The following GABRB2 variants were observed in gnomAD, a reference collection of about 807,000 sequenced individuals.
GABRB2 encodes gamma-aminobutyric acid type A receptor subunit beta2, also known as gamma-aminobutyric acid receptor subunit beta-2.
A neutral mutation model predicts 54.7 loss-of-function variants in GABRB2; 16 were observed. The observed-to-expected ratio is 0.29, with a 90% CI of 0.20 to 0.44. The LOEUF (loss-of-function observed/expected upper bound fraction) is 0.44, where lower values mean the gene tolerates loss of function less well. Ranked by LOEUF, GABRB2 falls within the 20% of genes least tolerant of loss-of-function variation. The probability of loss-of-function intolerance (pLI) is 1.00; values close to 1 mark genes in which losing one functional copy is unlikely to be tolerated. For synonymous variants in GABRB2, 244 were observed against 233.8 expected, an observed-to-expected ratio of 1.04 and a Z score of -0.40; for missense variants, 355 against 644.0, an observed-to-expected ratio of 0.55 and a Z score of 4.86.
At chr5:161,406,888 T>C (rs894971072) in intron 5 of GABRB2, among the ~76,000 whole-genome samples, 2 of 152,074 alleles carry the variant, frequency 1.3e-5, no homozygotes, top group Non-Finnish European at 1.5e-5. Flanking sequence ...TGATAAAGTT[T>C]TATGTCTTCT....
rs1759077949 is a variant in GABRB2, at chr5:161,490,944, T to G, written c.238-31100A>C. 4.0e-5 allele frequency among the ~76,000 whole-genome samples: 6 copies of G among 151,812 alleles called. No individual in the cohort carries two copies. The South Asian group carries it at 8.3e-4, about 21-fold the overall frequency. Reference sequence around the variant, plus strand: ...AGAGATTTGCTTCCTCACTCTAGTATCCAATTACTGTTCTGGGAGGGTTCT... The same window carrying G: ...AGAGATTTGCTTCCTCACTCTAGTAGCCAATTACTGTTCTGGGAGGGTTCT... On this transcript the variant is annotated intron_variant, in intron 3 of 9. Coordinates refer to ENST00000393959, the MANE Select transcript of GABRB2 (RefSeq NM_001371727.1).
At chr5:161,300,806 A>G (rs1757513487) in intron 9 of GABRB2, among the ~76,000 whole-genome samples, 2 of 152,190 alleles carry the variant, frequency 1.3e-5, no homozygotes. Context: ...CTGCTAGTCT[A>G]TTGGACAGAA....
At chr5:161,410,318 A>G (rs1262779264) in intron 5 of GABRB2, among the ~76,000 whole-genome samples, 1 of 151,970 alleles carries the variant, frequency 6.6e-6, no homozygotes, top group Non-Finnish European at 1.5e-5. Context: ...TGAATCATCA[A>G]TGTGGAAGCT....
At chr5:161,440,075 A>C (rs1430012232) in intron 4 of GABRB2, among the ~76,000 whole-genome samples, 13 of 150,824 alleles carry the variant, frequency 8.6e-5, no homozygotes, top group Non-Finnish European at 1.3e-4. Context: ...AAAAAAAAAA[A>C]AAAACAAAAC....
rs986594038 is a variant in GABRB2, at chr5:161,542,845, C to T, written c.237+2382G>A. ...TGAAGCTAATCAAAAGGCCCTAACA[C>T]TCAGACCTACATACAGGGTACAACA... On this transcript the variant is annotated intron_variant, in intron 3 of 9. Coordinates refer to ENST00000393959, the MANE Select transcript of GABRB2 (RefSeq NM_001371727.1). 1.2e-4 allele frequency among the ~76,000 whole-genome samples: 18 copies of T among 152,200 alleles called. 1 individual carries two copies. Among genetic ancestry groups the T allele is most frequent in the Non-Finnish European group, 2.6e-4 (18 of 68,032 alleles).
In GABRB2 at chr5:161,400,533, G is replaced by A. The variant is rs187534728; in HGVS notation, c.541+10442C>T. Among the ~76,000 whole-genome samples the A allele has an allele frequency of 2.3e-3, 353 of 152,212 alleles. 2 individuals are homozygous for A. Among genetic ancestry groups the A allele is most frequent in the African/African-American group, 7.9e-3 (328 of 41,540 alleles). On this transcript the variant is annotated intron_variant, in intron 5 of 9. Coordinates refer to ENST00000393959, the MANE Select transcript of GABRB2 (RefSeq NM_001371727.1). ...ATCTAATGGGCAATTTGAAGGCAGG[G>A]GGAAAATTAGCATTAGAAACTTAAA...
intron 8 of GABRB2, among the ~76,000 whole-genome samples, chr5:161,327,523 G>A (rs751715019): frequency 4.6e-5 from 7 of 151,956 alleles, no homozygotes; most frequent in Admixed American, 3.9e-4. Context: ...AGGCTTTTAC[G>A]TCAGTGAAAT....
intron 3 of GABRB2, among the ~76,000 whole-genome samples, chr5:161,525,877 C>A (rs866460088): frequency 1.3e-5 from 2 of 151,290 alleles, no homozygotes; most frequent in Middle Eastern, 6.8e-3. Flanking sequence ...AAATTTCATA[C>A]CCAAATTTAT....
intron 5 of GABRB2, among the ~76,000 whole-genome samples, chr5:161,405,458 T>C (rs1421748043): frequency 6.6e-6 from 1 of 152,050 alleles, no homozygotes; most frequent in African/African-American, 2.4e-5. Flanking sequence ...GGTCACAATA[T>C]TGTACAAATG....
intron 3 of GABRB2, among the ~76,000 whole-genome samples, chr5:161,495,664 T>C (rs1013778265): frequency 1.3e-5 from 2 of 152,014 alleles, no homozygotes; most frequent in Non-Finnish European, 2.9e-5. Context: ...AAATGGAAGA[T>C]TTCTTTGCTA....
intron 3 of GABRB2, among the ~76,000 whole-genome samples, chr5:161,511,348 T>C (rs1178626732): frequency 6.6e-6 from 1 of 152,006 alleles, no homozygotes; most frequent in Non-Finnish European, 1.5e-5. Context: ...TTGGGAAAAA[T>C]TGATAAAAAT....
intron 9 of GABRB2, among the ~76,000 whole-genome samples, chr5:161,310,458 T>C (rs941883905): frequency 6.6e-6 from 1 of 152,238 alleles, no homozygotes; most frequent in Admixed American, 6.5e-5. Context: ...AAGAAATCAT[T>C]ACCAAGATTT....
intron 5 of GABRB2, among the ~76,000 whole-genome samples, chr5:161,368,822 A>G (rs1046722150): frequency 6.6e-6 from 1 of 152,172 alleles, no homozygotes; most frequent in African/African-American, 2.4e-5. Flanking sequence ...TAGAGATTAG[A>G]TGGAAAGTGA....
chr5:161,326,241 C>G, intron 9 of GABRB2, 127 bp downstream of exon 9: 1 of 1,345,186 alleles, frequency 7.4e-7, no homozygotes, highest in South Asian at 1.6e-5. Context: ...TTAACTTATC[C>G]CCAAGACTCT....
Position 161,301,696 on chromosome 5 carries a change from A to C in GABRB2, c.1192-7268T>G, listed in dbSNP as rs1276821770. The stretch of plus-strand genomic sequence containing the variant: ...TTCTCTGCAGATAAATTGCCTTTAC[A>C]AGGACCTATGCTGCAGGCCTTGCTT... On this transcript the variant is annotated intron_variant, in intron 9 of 9. Coordinates refer to ENST00000393959, the MANE Select transcript of GABRB2 (RefSeq NM_001371727.1). 3.9e-5 allele frequency among the ~76,000 whole-genome samples: 6 copies of C among 152,324 alleles called. No individual in the cohort carries two copies. In the South Asian group the frequency reaches 6.2e-4, roughly 16 times the overall value.
At chr5:161,543,076 A>T (rs1487304162) in intron 3 of GABRB2, among the ~76,000 whole-genome samples, 2 of 152,244 alleles carry the variant, frequency 1.3e-5, no homozygotes, top group African/African-American at 4.8e-5. Flanking sequence ...GGTGTAGCAT[A>T]AGGCTAAGTA....
chr5:161,448,587 A>G lies in GABRB2; in HGVS notation c.458+11037T>C, dbSNP rs115998362. ...TTTGTATCTTTGGCTAATTAAACTG[A>G]GGGTTAATCTAATCTTTCAATGGTC... On this transcript the variant is annotated intron_variant, in intron 4 of 9. Coordinates refer to ENST00000393959, the MANE Select transcript of GABRB2 (RefSeq NM_001371727.1). 8.0e-3 allele frequency among the ~76,000 whole-genome samples: 1,212 copies of G among 152,252 alleles called. 13 individuals are homozygous for G. Among genetic ancestry groups the G allele is most frequent in the Non-Finnish European group, 0.013 (918 of 68,010 alleles).
At chr5:161,513,453 A>G (rs906988485) in intron 3 of GABRB2, among the ~76,000 whole-genome samples, 2 of 152,140 alleles carry the variant, frequency 1.3e-5, no homozygotes, top group Non-Finnish European at 2.9e-5. Context: ...GCAGCCATTA[A>G]AAAGAACAAA....
chr5:161,445,805 G>A (rs115655263), intron 4 of GABRB2, among the ~76,000 whole-genome samples: 2,721 of 152,194 alleles, frequency 0.018, 46 homozygotes, highest in Non-Finnish European at 0.03. Flanking sequence ...CATCTTACAT[G>A]TATTAATTGA....
Sources: allele counts gnomAD v4.1 joint callset (sites outside exome capture counted in the v4.1 genomes callset), GRCh38; gene constraint gnomAD v4.1.1; transcripts MANE v1.5; gene names NCBI Gene and HGNC (gene_info 2026-07-23, HGNC 2026-07-21).